IRAG2: variants seen among roughly 807,000 people sequenced by gnomAD.
The protein encoded by IRAG2 is lymphoid restricted membrane protein.
A neutral mutation model predicts 69.9 loss-of-function variants in IRAG2; 45 were observed. That is an observed-to-expected ratio of 0.64 (90% CI 0.51 to 0.83). The LOEUF (loss-of-function observed/expected upper bound fraction) is 0.83. Among genes scored for constraint, IRAG2 ranks in the 40% least tolerant of loss-of-function variants. The probability of loss-of-function intolerance (pLI) is 0.00; values close to 1 mark genes in which losing one functional copy is unlikely to be tolerated. For synonymous variants in IRAG2, 193 were observed against 202.4 expected (o/e 0.95, Z 0.40); for missense variants, 520 against 587.0 (o/e 0.89, Z 1.18).
intron 2 of IRAG2, among the ~76,000 whole-genome samples, chr12:25,006,850 C>A (rs1015525638): frequency 6.6e-6 from 1 of 151,684 alleles, no homozygotes; most frequent in Non-Finnish European, 1.5e-5. Context: ...ACATACACCC[C>A]CTGAACCTAA....
At chr12:25,008,422 T>C (rs1944449388) in intron 2 of IRAG2, among the ~76,000 whole-genome samples, 1 of 152,102 alleles carries the variant, frequency 6.6e-6, no homozygotes, top group Non-Finnish European at 1.5e-5. Flanking sequence ...GGAAACATAG[T>C]GAAACCATGT....
chr12:25,020,601 C>G (rs1233750340), intron 6 of IRAG2, among the ~76,000 whole-genome samples: 1 of 152,142 alleles, frequency 6.6e-6, no homozygotes, highest in Non-Finnish European at 1.5e-5. Flanking sequence ...TTCCCCACTC[C>G]CCATTTTCTC....
At position 25,013,866 on chromosome 12, in the gene IRAG2, C is replaced by CTTTTTTTTTTTTTT. The variant is rs71063386; in HGVS notation, c.897-1303_897-1290dup. On this transcript the variant is annotated intron_variant, in intron 3 of 38. Coordinates refer to the IRAG2 transcript ENST00000636465. ...GGTTTTAATTTTTTGTTTTCTTTTT[C>CTTTTTTTTTTTTTT]TTTTTTTTTTTTTTTTTTTTTTTTT... Among the ~76,000 whole-genome samples, 3 of 79,520 alleles carry CTTTTTTTTTTTTTT rather than the reference C, an allele frequency of 3.8e-5. 1 individual carries two copies. The highest frequency in any genetic ancestry group is 5.0e-5 in the African/African-American group (1 of 20,146). The allele number at this position is 79,520 out of a possible 152,430, so 52.2% of individuals were successfully genotyped here.
At chr12:25,033,390 AC>A (rs1304455998) in intron 12 of IRAG2, among the ~76,000 whole-genome samples, 4 of 152,228 alleles carry the variant, frequency 2.6e-5, no homozygotes, top group African/African-American at 9.6e-5. Flanking sequence ...CACTCAGATA[AC>A]AAAAATGAGT....
intron 3 of IRAG2, among the ~76,000 whole-genome samples, chr12:25,012,567 C>G (rs980029674): frequency 1.3e-5 from 2 of 152,100 alleles, no homozygotes; most frequent in Non-Finnish European, 2.9e-5. Flanking sequence ...ATGGCTCACA[C>G]CTGTAATCCC....
intron 6 of IRAG2, chr12:25,017,301 C>G: frequency 8.1e-7 from 1 of 1,232,082 alleles, no homozygotes; most frequent in South Asian, 4.1e-5. Flanking sequence ...AGGTGAGCCA[C>G]AGTGGGGTCC....
At chr12:25,078,382 G>T (rs1946966213) in intron 6 of IRAG2, among the ~76,000 whole-genome samples, 1 of 152,112 alleles carries the variant, frequency 6.6e-6, no homozygotes, top group South Asian at 2.1e-4. Context: ...ATTCCCCCAT[G>T]GGAACCTATT....
At position 25,079,749 on chromosome 12, in the gene IRAG2, C is replaced by T. The variant is rs139263893; in HGVS notation, c.230C>T (p.Thr77Met). 6.2e-4 allele frequency: 997 copies of T among 1,611,806 alleles called. 1 individual carries two copies. Among genetic ancestry groups the T allele is most frequent in the Non-Finnish European group, 7.6e-4 (893 of 1,177,908 alleles). Residue 77 changes from threonine to methionine, a missense_variant, in exon 9 of 22, where the codon ACG (threonine) becomes ATG (methionine). By Grantham distance (81) the Thr-to-Met change is moderately conservative. Transcript: ENST00000556887. ...GAGGATACAAGATCAGCTTCTCCCA[C>T]GATAGAGGCCCAAGGTAAAATGTTG... ...KEEDTRSASPTIEAQGTSPAH... is the reference protein window; with the variant it reads ...KEEDTRSASPMIEAQGTSPAH...
chr12:25,019,257 T>C (rs1178191661), intron 6 of IRAG2, among the ~76,000 whole-genome samples: 1 of 152,210 alleles, frequency 6.6e-6, no homozygotes. Flanking sequence ...AGAGTTAAAC[T>C]AGCTCAGTGG....
intron 3 of IRAG2, among the ~76,000 whole-genome samples, chr12:25,014,720 G>A (rs952433945): frequency 6.6e-6 from 1 of 151,886 alleles, no homozygotes; most frequent in Non-Finnish European, 1.5e-5. Flanking sequence ...CCCTGTCAAT[G>A]TATCCCAAAG....
Position 25,108,031 on chromosome 12 carries a change from C to T in IRAG2, c.1471C>T (p.Leu491Phe). ...ACATATCTTGTGGCCATTTACCAGACTCCGACACAATGGGCCACCACCAGT... is the reference window on the plus strand; with the variant it reads ...ACATATCTTGTGGCCATTTACCAGATTCCGACACAATGGGCCACCACCAGT... ...LEHILWPFTR[L>F]RHNGPPPV is the part of the protein sequence containing the mutation. Residue 491 changes from leucine to phenylalanine, a missense_variant, in exon 22 of 22, where the codon CTC becomes TTC. Coordinates refer to ENST00000556887, the MANE Select transcript of IRAG2 (RefSeq NM_001366544.2). The T allele has an allele frequency of 6.2e-7, 1 of 1,614,038 alleles. No homozygotes were observed.
At chr12:25,077,955 G>A (rs1946939918) in intron 6 of IRAG2, among the ~76,000 whole-genome samples, 1 of 152,136 alleles carries the variant, frequency 6.6e-6, no homozygotes. Flanking sequence ...TCATCAACCA[G>A]TCTAAGACAA....
In IRAG2 at chr12:25,104,477, G is replaced by A; in HGVS notation, c.1148+15G>A. ...TGTGAACTAAAGTAGGTGAAGCTCAGTGTGTTTATTAACCTGACATGAACT... is the reference window on the plus strand; with the variant it reads ...TGTGAACTAAAGTAGGTGAAGCTCAATGTGTTTATTAACCTGACATGAACT... On this transcript the variant is annotated intron_variant, in intron 20 of 21. Coordinates refer to ENST00000556887, the MANE Select transcript of IRAG2 (RefSeq NM_001366544.2). 6.9e-7 allele frequency: 1 copy of A among 1,458,320 alleles called. No homozygotes were observed. Among genetic ancestry groups the A allele is most frequent in the Non-Finnish European group, 9.6e-7 (1 of 1,037,676 alleles). 90.3% of individuals were successfully genotyped at this position (1,458,320 alleles called of 1,614,324 possible).
chr12:25,050,552 CAAA>C (rs1230165053), upstream of IRAG2, among the ~76,000 whole-genome samples: 3 of 99,464 alleles, frequency 3.0e-5, no homozygotes, highest in Admixed American at 1.2e-4. Flanking sequence ...AACAAACAAA[CAAA>C]AAAAAACAGT....
chr12:25,014,652 C>T (rs1944505926), intron 3 of IRAG2, among the ~76,000 whole-genome samples: 2 of 151,960 alleles, frequency 1.3e-5, no homozygotes, highest in African/African-American at 4.8e-5. Context: ...AAGTAAAATG[C>T]CCAAAGTAAA....
At chr12:25,051,321 A>T (rs550038531), upstream of IRAG2, among the ~76,000 whole-genome samples, 36 of 152,294 alleles carry the variant, frequency 2.4e-4, no homozygotes, top group Non-Finnish European at 4.7e-4. Context: ...CCTTCGTGTA[A>T]CCAGGGCTGG....
At chr12:25,101,376 TC>T (rs747215981) in intron 16 of IRAG2, 51 bp downstream of exon 16, 104 of 1,356,064 alleles carry the variant, frequency 7.7e-5, no homozygotes, top group Non-Finnish European at 9.8e-5. Context: ...TACATTCTCC[TC>T]TTTTTTGCTA....
At chr12:25,084,762 A>G (rs572543938) in intron 10 of IRAG2, among the ~76,000 whole-genome samples, 26 of 152,336 alleles carry the variant, frequency 1.7e-4, no homozygotes, top group South Asian at 4.1e-4. Flanking sequence ...ATTTGGAACA[A>G]TGACATGATG....
intron 2 of IRAG2, among the ~76,000 whole-genome samples, chr12:25,010,747 C>T (rs1944467869): frequency 6.6e-6 from 1 of 151,866 alleles, no homozygotes; most frequent in Non-Finnish European, 1.5e-5. Context: ...TTTCCCTCTC[C>T]TTTGCAAGTA....
Sources: gnomAD v4.1 joint callset for allele counts (sites outside exome capture counted in the v4.1 genomes callset) on GRCh38, gnomAD v4.1.1 for gene constraint, MANE v1.5 for transcripts, NCBI Gene and HGNC (gene_info 2026-07-23, HGNC 2026-07-21) for gene names.